Variants in ARFGEF2 observed in about 807,000 individuals in gnomAD.
ARFGEF2 encodes the protein brefeldin A-inhibited guanine nucleotide-exchange protein 2.
Under a neutral mutation model 219.9 loss-of-function variants are expected in ARFGEF2, and 74 were observed. That is an observed-to-expected ratio of 0.34 (90% confidence interval 0.28 to 0.41). The LOEUF (loss-of-function observed/expected upper bound fraction) is 0.41. Among genes scored for constraint, ARFGEF2 ranks in the 10% least tolerant of loss-of-function variants. The pLI is 1.00. For synonymous variants in ARFGEF2, 733 were observed against 799.2 expected (o/e 0.92, Z 1.40); for missense variants, 1,743 against 2,218.3 (o/e 0.79, Z 4.30).
intron 1 of ARFGEF2, among the ~76,000 whole-genome samples, chr20:48,927,158 T>G (rs1277171200): frequency 2.0e-5 from 3 of 152,188 alleles, no homozygotes; most frequent in Non-Finnish European, 4.4e-5. Flanking sequence ...GATTTTAACT[T>G]TAAATATTGT....
Position 48,963,856 on chromosome 20 carries a change from G to A in ARFGEF2, c.865G>A (p.Val289Met). 6.2e-7 allele frequency: 1 copy of A among 1,613,968 alleles called. No homozygotes were observed. The highest frequency in any genetic ancestry group is 8.5e-7 in the Non-Finnish European group (1 of 1,179,990). Residue 289 changes from valine to methionine, a missense_variant, in exon 7 of 39, where the codon GTG (valine) becomes ATG (methionine). Coordinates refer to ENST00000371917, the MANE Select transcript of ARFGEF2 (RefSeq NM_006420.3). ...GACTGATGACGGAGCCCAGGAGGTG[G>A]TGAAGGACATCTTGGAAGATGTAGT... ...SGTDDGAQEV[V>M]KDILEDVVTS...
Position 49,011,906 on chromosome 20 carries a change from T to C in ARFGEF2, c.3758-18T>C. 1 of 1,614,170 alleles carries C rather than the reference T, an allele frequency of 6.2e-7. No homozygotes were observed. The highest frequency in any genetic ancestry group is 8.5e-7 in the Non-Finnish European group (1 of 1,180,022). The stretch of plus-strand genomic sequence containing the variant: ...CTAAATCCTGGTCTTATGAAAAATG[T>C]GCCTTGTGTTCCCCCAGCAACTATT... On this transcript the variant is annotated intron_variant, in intron 27 of 38. Transcript: ENST00000371917.
intron 3 of ARFGEF2, among the ~76,000 whole-genome samples, chr20:48,946,942 C>T (rs2091032502): frequency 6.6e-6 from 1 of 152,072 alleles, no homozygotes; most frequent in Non-Finnish European, 1.5e-5. Flanking sequence ...GCTGGGACTA[C>T]AGGTGTGTGC....
At chr20:48,995,051 A>G (rs2091378079) in intron 22 of ARFGEF2, among the ~76,000 whole-genome samples, 2 of 152,170 alleles carry the variant, frequency 1.3e-5, no homozygotes, top group South Asian at 2.1e-4. Flanking sequence ...TTGATGTAAC[A>G]TGGTAATAAT....
At position 48,952,827 on chromosome 20, in the gene ARFGEF2, C is replaced by A. The variant is rs1056983754; in HGVS notation, c.546C>A (p.Ala182=). 6.2e-7 allele frequency: 1 copy of A among 1,614,256 alleles called. No individual in the cohort carries two copies. Among genetic ancestry groups the A allele is most frequent in the Non-Finnish European group, 8.5e-7 (1 of 1,180,042 alleles). ...ASKNLINQTT[A]KATLTQMLNV... is the part of the protein sequence containing the mutation. ...AAAATCTCATCAATCAAACCACTGCCAAGGCTACCCTTACTCAGATGCTGA... is the reference window on the plus strand; with the variant it reads ...AAAATCTCATCAATCAAACCACTGCAAAGGCTACCCTTACTCAGATGCTGA... Residue 182 remains alanine, a synonymous_variant, in exon 5 of 39, where the codon GCC becomes GCA. Coordinates refer to ENST00000371917, the MANE Select transcript of ARFGEF2 (RefSeq NM_006420.3).
rs2091513575 is a variant in ARFGEF2, at chr20:49,013,597, G to A, written c.3952G>A (p.Val1318Ile). The change falls in exon 29 of 39, where the codon GTA becomes ATA. Residue 1318 changes from valine (V) to isoleucine (I), a missense_variant. By Grantham distance (29) the Val-to-Ile change is conservative. Around this residue, in one of 5 missense-constraint regions of ARFGEF2, gnomAD observed 578 missense variants for 664.0 expected, o/e 0.87. Coordinates refer to ENST00000371917, the MANE Select transcript of ARFGEF2 (RefSeq NM_006420.3). Reference protein sequence around the residue: ...LQEYTSDDMNVAPGDRVWVRG... With the variant: ...LQEYTSDDMNIAPGDRVWVRG... ...AGAATACACAAGTGATGACATGAAT[G>A]TAGCTCCTGGTGACAGAGTCTGGGT... 2 of 1,614,154 alleles carry A rather than the reference G, an allele frequency of 1.2e-6. No homozygotes were observed. The highest frequency in any genetic ancestry group is 1.7e-6 in the Non-Finnish European group (2 of 1,180,026).
At position 49,011,983 on chromosome 20, in the gene ARFGEF2, TGCTTA is replaced by T; in HGVS notation, c.3818_3822del (p.Cys1273PhefsTer11). 6.2e-7 allele frequency: 1 copy of T among 1,614,222 alleles called. No individual in the cohort carries two copies. The highest frequency in any genetic ancestry group is 1.7e-5 in the Admixed American group (1 of 60,016). On this transcript the variant is annotated frameshift_variant, in exon 28 of 39. Transcript: ENST00000371917. LOFTEE classifies it high-confidence loss of function. Reference sequence around the variant, plus strand: ...CGATTCCTTTCAGGATGCTGTGAAGTGCTTATCAGAGTTCGCCTGCAACGCCGCTT... The same window carrying T: ...CGATTCCTTTCAGGATGCTGTGAAGTTCAGAGTTCGCCTGCAACGCCGCTT...
In ARFGEF2 at chr20:48,926,453, G is replaced by A. The variant is rs571318622; in HGVS notation, c.121+4443G>A. ...ACATAAGTTTCATTTGAGTTATTCA[G>A]TTTTTCTTTTTTTTTTTTGAGACAG... is the stretch of plus-strand genomic sequence containing the variant. On this transcript the variant is annotated intron_variant, in intron 1 of 38. Transcript: ENST00000371917. Among the ~76,000 whole-genome samples the A allele has an allele frequency of 2.0e-5, 3 of 151,630 alleles. No individual in the cohort carries two copies. The South Asian group carries it at 6.2e-4, about 32-fold the overall frequency.
chr20:48,998,332 G>A lies in ARFGEF2; in HGVS notation c.3263-4G>A, dbSNP rs2123481990. ...TTGCTTGTGTTGTTGGGTCTGGCCT[G>A]TAGTTGACTTTGTCCGCTGGCTGTG... is the stretch of plus-strand genomic sequence containing the variant. On this transcript the variant is annotated splice_region_variant and splice_polypyrimidine_tract_variant and intron_variant, in intron 24 of 38. Coordinates refer to ENST00000371917, the MANE Select transcript of ARFGEF2 (RefSeq NM_006420.3). 1.2e-6 allele frequency: 2 copies of A among 1,614,188 alleles called. No homozygotes were observed. Among genetic ancestry groups the A allele is most frequent in the South Asian group, 1.1e-5 (1 of 91,080 alleles).
rs937707710 is a variant in ARFGEF2 at position 48,998,137 on chromosome 20, G to A, written c.3222-56G>A. 8 of 1,556,956 alleles carry A rather than the reference G, an allele frequency of 5.1e-6. No homozygotes were observed. In the African/African-American group the frequency reaches 8.1e-5, roughly 16 times the overall value. ...GGCCTCCCAAAGTGCTGAGATTACA[G>A]GTGTGAGCCACCACACCCGGTCTAA... On this transcript the variant is annotated intron_variant, in intron 23 of 38. Coordinates refer to ENST00000371917, the MANE Select transcript of ARFGEF2 (RefSeq NM_006420.3).
At position 48,921,741 on chromosome 20, in the gene ARFGEF2, G is replaced by A. The variant is rs565564403; in HGVS notation, c.-149G>A. 1.2e-4 allele frequency: 97 copies of A among 801,864 alleles called. No individual in the cohort carries two copies. In the African/African-American group the frequency reaches 1.7e-3, roughly 14 times the overall value. The allele number at this position is 801,864 out of a possible 1,614,324, so 49.7% of individuals were successfully genotyped here. ...GTCACGTGACGCGCTCCAACATGGC[G>A]GCGCCGTGGGGCCGAGGTGTCGCTT... On this transcript the variant is annotated 5_prime_UTR_variant, in exon 1 of 39. Transcript: ENST00000371917.
Position 48,985,346 on chromosome 20 carries a change from T to G in ARFGEF2, c.2071-62T>G. 6 of 1,569,260 alleles carry G rather than the reference T, an allele frequency of 3.8e-6. No homozygotes were observed. In the South Asian group the frequency reaches 6.7e-5, roughly 17 times the overall value. On this transcript the variant is annotated intron_variant, in intron 15 of 38. Coordinates refer to ENST00000371917, the MANE Select transcript of ARFGEF2 (RefSeq NM_006420.3). ...TATTCTGACTCCACCCTTTGGCTGCTGGCTTTTGCTGAGGGTTCGTATTTG... is the reference window on the plus strand; with the variant it reads ...TATTCTGACTCCACCCTTTGGCTGCGGGCTTTTGCTGAGGGTTCGTATTTG...
intron 37 of ARFGEF2, among the ~76,000 whole-genome samples, chr20:49,030,160 G>A (rs1029938468): frequency 4.0e-5 from 6 of 150,960 alleles, no homozygotes; most frequent in Admixed American, 6.6e-5. Context: ...CCCCCACCTC[G>A]GCCTCCCAAA....
chr20:49,026,796 A>G (rs1022222159), intron 36 of ARFGEF2, among the ~76,000 whole-genome samples: 18 of 152,082 alleles, frequency 1.2e-4, no homozygotes, highest in African/African-American at 4.1e-4. Flanking sequence ...ATGTTGGCCT[A>G]GCTGGTCTTG....
intron 23 of ARFGEF2, among the ~76,000 whole-genome samples, chr20:48,996,606 T>C (rs544589942): frequency 6.6e-6 from 1 of 151,898 alleles, no homozygotes; most frequent in African/African-American, 2.4e-5. Context: ...TAACTGGGCA[T>C]GGTGACGCAT....
At chr20:48,962,490 A>G (rs1360306802) in intron 6 of ARFGEF2, among the ~76,000 whole-genome samples, 1 of 152,196 alleles carries the variant, frequency 6.6e-6, no homozygotes, top group Admixed American at 6.5e-5. Context: ...AAAATACATA[A>G]TAATATATAA....
chr20:49,013,685 T>A lies in ARFGEF2; in HGVS notation c.4040T>A (p.Val1347Glu). Residue 1347 changes from valine to glutamate, a missense_variant, in exon 29 of 39, where the codon GTA (valine) becomes GAA (glutamate). Around this residue, in one of 5 missense-constraint regions of ARFGEF2, gnomAD observed 578 missense variants for 664.0 expected, o/e 0.87. Coordinates refer to ENST00000371917, the MANE Select transcript of ARFGEF2 (RefSeq NM_006420.3). ...SCIINRCKLD[V>E]RTRGLTVMFE... is the part of the protein sequence containing the mutation. ...ATCATTAATAGATGCAAGTTAGATGTACGAACAAGGTAACCATGTTCCCGT... is the reference window on the plus strand; with the variant it reads ...ATCATTAATAGATGCAAGTTAGATGAACGAACAAGGTAACCATGTTCCCGT... 1 of 1,614,202 alleles carries A rather than the reference T, an allele frequency of 6.2e-7. No homozygotes were observed.
intron 16 of ARFGEF2, among the ~76,000 whole-genome samples, chr20:48,987,205 A>G (rs1264965664): frequency 1.3e-5 from 2 of 152,210 alleles, no homozygotes; most frequent in South Asian, 2.1e-4. Context: ...CGTATCTCCT[A>G]TGTGGACCTG....
At position 49,003,640 on chromosome 20, in the gene ARFGEF2, A is replaced by G. The variant is rs146297860; in HGVS notation, c.3433-1430A>G. ...ATAAAATAAAATAAAATAAAACATC[A>G]GGTCAGACCACATATCAATGAAATG... is the stretch of plus-strand genomic sequence containing the variant. On this transcript the variant is annotated intron_variant, in intron 25 of 38. Coordinates refer to ENST00000371917, the MANE Select transcript of ARFGEF2 (RefSeq NM_006420.3). 3.5e-3 allele frequency among the ~76,000 whole-genome samples: 535 copies of G among 152,222 alleles called. 2 individuals are homozygous for G. The highest frequency in any genetic ancestry group is 0.012 in the African/African-American group (508 of 41,556).
Sources: gnomAD v4.1 joint callset for allele counts (sites outside exome capture counted in the v4.1 genomes callset) on GRCh38, gnomAD v4.1.1 for gene constraint, gnomAD v4.1.1 regional missense constraint, MANE v1.5 for transcripts, NCBI Gene and HGNC (gene_info 2026-07-23, HGNC 2026-07-21) for gene names.